The following DGKD variants were observed in gnomAD, a reference collection of about 807,000 sequenced individuals.
DGKD encodes the protein diacylglycerol kinase delta, also known as DAG kinase delta.
DGKD carries 68 observed loss-of-function variants against 154.4 expected under a neutral mutation model. The ratio of observed to expected loss-of-function variants is 0.44; its 90% CI spans 0.36 to 0.54. The LOEUF is 0.54. Among genes scored for constraint, DGKD ranks in the 20% least tolerant of loss-of-function variants. The pLI, the probability that DGKD is intolerant of heterozygous loss-of-function variation, is 0.00. For synonymous variants in DGKD, 693 were observed against 638.0 expected (o/e 1.09, Z -1.30); for missense variants, 1,343 against 1,593.6 (o/e 0.84, Z 2.68).
At position 233,446,699 on chromosome 2, in the gene DGKD, CT is replaced by C. The variant is rs1476358239; in HGVS notation, c.1335-11del. ...ACGTCTTGCCGCCTGTGCAGCTGAC[CT>C]TGTGTGTGCAGGTGGAGCGTCATGG... On this transcript the variant is annotated splice_polypyrimidine_tract_variant and intron_variant, in intron 11 of 29. Transcript: ENST00000264057. 1 of 1,612,748 alleles carries C rather than the reference CT, an allele frequency of 6.2e-7. No individual in the cohort carries two copies. The highest frequency in any genetic ancestry group is 8.5e-7 in the Non-Finnish European group (1 of 1,179,724).
chr2:233,367,755 C>T (rs1025153318), intron 1 of DGKD, among the ~76,000 whole-genome samples: 3 of 152,088 alleles, frequency 2.0e-5, no homozygotes, highest in Non-Finnish European at 4.4e-5. Context: ...TACCGCATCC[C>T]ACTTGGAGGT....
chr2:233,465,086 ATCCTTT>A (rs1244255596), intron 27 of DGKD, among the ~76,000 whole-genome samples: 3 of 152,190 alleles, frequency 2.0e-5, no homozygotes, highest in Non-Finnish European at 4.4e-5. Flanking sequence ...GACGCATGCA[ATCCTTT>A]CATGGGAAAC....
chr2:233,398,450 G>A (rs1308980397), intron 3 of DGKD, among the ~76,000 whole-genome samples: 2 of 151,656 alleles, frequency 1.3e-5, no homozygotes, highest in African/African-American at 4.8e-5. Flanking sequence ...CGGCCAATAG[G>A]TAAAATATTT....
intron 10 of DGKD, chr2:233,442,504 C>T (rs963647600): frequency 7.3e-6 from 2 of 274,728 alleles, no homozygotes; most frequent in African/African-American, 4.3e-5. Flanking sequence ...CAGCCAGTGC[C>T]AACATTTTGC....
intron 3 of DGKD, among the ~76,000 whole-genome samples, chr2:233,431,419 C>G (rs1012728608): frequency 2.4e-4 from 37 of 152,172 alleles, no homozygotes; most frequent in Non-Finnish European, 2.2e-4. Context: ...TCTACAGATT[C>G]AATGCAATTC....
chr2:233,443,995 C>G (rs937898395), intron 10 of DGKD, among the ~76,000 whole-genome samples: 1 of 152,132 alleles, frequency 6.6e-6, no homozygotes, highest in Admixed American at 6.5e-5. Context: ...TCCCTTAACG[C>G]TGTGTCCTCA....
chr2:233,466,034 T>C (rs2063814254), intron 27 of DGKD, among the ~76,000 whole-genome samples: 2 of 152,162 alleles, frequency 1.3e-5, no homozygotes, highest in South Asian at 2.1e-4. Context: ...ATGACAGTTA[T>C]AATAGTCACG....
intron 3 of DGKD, among the ~76,000 whole-genome samples, chr2:233,402,442 T>C (rs2061583255): frequency 6.6e-6 from 1 of 152,180 alleles, no homozygotes; most frequent in Admixed American, 6.5e-5. Flanking sequence ...TCTTGGCAGC[T>C]TAGGGTCCCC....
rs768677717 is a variant in DGKD at position 233,449,183 on chromosome 2, C to CCGG, written c.1696_1697insGGC (p.Asn565_Pro566insArg). 6.1e-5 allele frequency: 99 copies of CCGG among 1,613,748 alleles called. 1 individual carries two copies. In the Middle Eastern group the frequency reaches 9.9e-4, roughly 16 times the overall value. ...CCCAGGCCTCGTCCTCTCTGCCCAACCCGCCCCCCACCATTGCCGAGGAGG... is the reference window on the plus strand; with the variant it reads ...CCCAGGCCTCGTCCTCTCTGCCCAACCGGCCGCCCCCCACCATTGCCGAGGAGG... On this transcript the variant is annotated inframe_insertion, in exon 15 of 30. Transcript: ENST00000264057. The surrounding 1 kb of genome is among the most constrained non-coding windows in gnomAD (Gnocchi z 5.3).
intron 3 of DGKD, among the ~76,000 whole-genome samples, chr2:233,393,727 A>AG (rs1274646836): frequency 7.4e-6 from 1 of 135,706 alleles, no homozygotes; most frequent in Non-Finnish European, 1.5e-5. Flanking sequence ...TCCGTTGCCC[A>AG]GGGGGGAGTG....
chr2:233,429,169 G>A, intron 3 of DGKD: 1 of 985,380 alleles, frequency 1.0e-6, no homozygotes. Context: ...GAGTTCTGGA[G>A]CAAAGTTGGC....
At chr2:233,454,520 G>T in intron 18 of DGKD, 1 of 504,738 alleles carries the variant, frequency 2.0e-6, no homozygotes. Context: ...TCTTTAGGGG[G>T]ATGAAATGCT....
chr2:233,447,366 G>A (rs1261429649), intron 12 of DGKD: 1 of 477,106 alleles, frequency 2.1e-6, no homozygotes, highest in Admixed American at 6.4e-5. Context: ...ATTTTGTGCT[G>A]GTGCAGTGCT....
Position 233,445,889 on chromosome 2 carries a change from C to A in DGKD, c.1334+127C>A. 8.2e-7 allele frequency: 1 copy of A among 1,226,848 alleles called. No homozygotes were observed. 76.0% of individuals were successfully genotyped at this position (1,226,848 alleles called of 1,614,324 possible). On this transcript the variant is annotated intron_variant, in intron 11 of 29. Transcript: ENST00000264057. The surrounding 1 kb of genome is among the most constrained non-coding windows in gnomAD (Gnocchi z 5.5). ...CTGAAATTATTTGTAAAGATTTGACCTGAGTATATATTCGGATAGTCTTTG... is the reference window on the plus strand; with the variant it reads ...CTGAAATTATTTGTAAAGATTTGACATGAGTATATATTCGGATAGTCTTTG...
intron 3 of DGKD, among the ~76,000 whole-genome samples, chr2:233,410,049 A>G (rs1038262090): frequency 3.3e-5 from 5 of 152,042 alleles, no homozygotes; most frequent in Admixed American, 1.3e-4. Context: ...AGGCTGGTCA[A>G]CATGATCCAA....
At position 233,445,779 on chromosome 2, in the gene DGKD, T is replaced by C. The variant is rs1234769345; in HGVS notation, c.1334+17T>C. 5 of 1,599,956 alleles carry C rather than the reference T, an allele frequency of 3.1e-6. No homozygotes were observed. The highest frequency in any genetic ancestry group is 2.3e-5 in the East Asian group (1 of 44,358). ...GCTGGACAGGTGAGTGGGGATGTGCTCCGGTGCCGTATGAGGAGACTTTGA... is the reference window on the plus strand; with the variant it reads ...GCTGGACAGGTGAGTGGGGATGTGCCCCGGTGCCGTATGAGGAGACTTTGA... On this transcript the variant is annotated intron_variant, in intron 11 of 29. Transcript: ENST00000264057. The surrounding 1 kb of genome is among the most constrained non-coding windows in gnomAD (Gnocchi z 5.5).
At chr2:233,385,518 T>A (rs1460208870) in intron 1 of DGKD, among the ~76,000 whole-genome samples, 2 of 152,182 alleles carry the variant, frequency 1.3e-5, no homozygotes, top group South Asian at 4.1e-4. Flanking sequence ...TTGGCCCTTT[T>A]GTTTGTGCAT....
Position 233,458,254 on chromosome 2 carries a change from T to C in DGKD, c.2581-30T>C. On this transcript the variant is annotated intron_variant, in intron 21 of 29. Coordinates refer to ENST00000264057, the MANE Select transcript of DGKD (RefSeq NM_152879.3). This position sits in a 1 kb window ranked among gnomAD's most constrained non-coding sequence, Gnocchi z 6.6. ...GGCCTGTGCTCGGGGATGTGTGGAGTGGTGGTCAGCTCTAACGTGTCCCTT... is the reference window on the plus strand; with the variant it reads ...GGCCTGTGCTCGGGGATGTGTGGAGCGGTGGTCAGCTCTAACGTGTCCCTT... The C allele has an allele frequency of 6.8e-7, 1 of 1,464,828 alleles. No homozygotes were observed. Among genetic ancestry groups the C allele is most frequent in the Non-Finnish European group, 9.5e-7 (1 of 1,049,138 alleles). The allele number at this position is 1,464,828 out of a possible 1,614,324, so 90.7% of individuals were successfully genotyped here. A position where few individuals can be genotyped will look rare whatever the true frequency, so the allele number is the denominator to read the frequency against.
chr2:233,439,423 C>T (rs1304807437), intron 9 of DGKD, among the ~76,000 whole-genome samples: 2 of 152,262 alleles, frequency 1.3e-5, no homozygotes, highest in Admixed American at 1.3e-4. Flanking sequence ...CAGCCAGGCG[C>T]AGTCGGAGAG....
Sources: gnomAD v4.1 joint callset for allele counts (sites outside exome capture counted in the v4.1 genomes callset) on GRCh38, gnomAD v4.1.1 for gene constraint, Gnocchi (gnomAD v3.1) non-coding constraint, MANE v1.5 for transcripts, NCBI Gene and HGNC (gene_info 2026-07-23, HGNC 2026-07-21) for gene names.